The following SLC4A10 variants were observed in gnomAD, a reference collection of about 807,000 sequenced individuals.
SLC4A10 encodes the protein sodium-driven chloride bicarbonate exchanger.
A neutral mutation model predicts 137.7 loss-of-function variants in SLC4A10; 42 were observed. The observed-to-expected ratio is 0.30, with a 90% confidence interval of 0.24 to 0.39. SLC4A10 has a LOEUF of 0.39. Among genes scored for constraint, SLC4A10 ranks in the 10% least tolerant of loss-of-function variants. The pLI, the probability that SLC4A10 is intolerant of heterozygous loss-of-function variation, is 1.00. For missense variants in SLC4A10, 925 were observed against 1,355.0 expected (o/e 0.68, Z 4.98); for synonymous variants, 474 against 464.1 (o/e 1.02, Z -0.27).
At chr2:161,818,638 T>G (rs1355542949) in intron 3 of SLC4A10, among the ~76,000 whole-genome samples, 2 of 152,184 alleles carry the variant, frequency 1.3e-5, no homozygotes. Context: ...TCTTATTATT[T>G]TGAGATACAT....
intron 1 of SLC4A10, among the ~76,000 whole-genome samples, chr2:161,677,614 G>A (rs1339509622): frequency 6.6e-6 from 1 of 152,114 alleles, no homozygotes; most frequent in Non-Finnish European, 1.5e-5. Context: ...GTAAATTTTT[G>A]GACAAGTAGT....
chr2:161,806,495 GTCACT>G (rs2055974813), intron 3 of SLC4A10, among the ~76,000 whole-genome samples: 1 of 152,060 alleles, frequency 6.6e-6, no homozygotes, highest in African/African-American at 2.4e-5. Flanking sequence ...CAGCATCCAA[GTCACT>G]TCTTGAATGC....
chr2:161,662,748 T>C (rs1286938883), intron 1 of SLC4A10, among the ~76,000 whole-genome samples: 2 of 152,164 alleles, frequency 1.3e-5, no homozygotes. Context: ...TTTTGTTTTG[T>C]TGTGTTTTGT....
At chr2:161,708,613 A>G in intron 1 of SLC4A10, 4 of 1,365,216 alleles carry the variant, frequency 2.9e-6, no homozygotes, top group Non-Finnish European at 3.9e-6. Context: ...GATGATAAAT[A>G]GTATATGTGA....
At position 161,950,846 on chromosome 2, in the gene SLC4A10, A is replaced by C; in HGVS notation, c.2539A>C (p.Lys847Gln). The change falls in exon 19 of 27, where the codon AAG (lysine) becomes CAG (glutamine). Residue 847 changes from lysine to glutamine, a missense_variant and splice_region_variant. Around this residue, in one of 11 missense-constraint regions of SLC4A10, gnomAD observed 82 missense variants for 151.4 expected, o/e 0.54. Transcript: ENST00000446997. ...CATCAACAGGAAAGAGCATAAGCTA[A>C]AGGTATATTTTAACATCCATTTTAA... ...VIINRKEHKL[K>Q]KGCGYHLDLL... 1.3e-6 allele frequency: 2 copies of C among 1,591,058 alleles called. No individual in the cohort carries two copies. Among genetic ancestry groups the C allele is most frequent in the South Asian group, 2.3e-5 (2 of 87,052 alleles).
intron 1 of SLC4A10, among the ~76,000 whole-genome samples, chr2:161,741,124 GTGT>G (rs2047837606): frequency 6.6e-6 from 1 of 151,978 alleles, no homozygotes; most frequent in Admixed American, 6.6e-5. Flanking sequence ...AATTAGCAAA[GTGT>G]TGTAGTGGGC....
Position 161,863,005 on chromosome 2 carries a change from C to A in SLC4A10, c.709C>A (p.Arg237Ser). 6.2e-7 allele frequency: 1 copy of A among 1,613,886 alleles called. No individual in the cohort carries two copies. The highest frequency in any genetic ancestry group is 8.5e-7 in the Non-Finnish European group (1 of 1,179,858). The change falls in exon 6 of 27, where the codon CGT (arginine) becomes AGT (serine). Residue 237 changes from arginine (R) to serine (S), a missense_variant. Coordinates refer to ENST00000446997, the MANE Select transcript of SLC4A10 (RefSeq NM_001178015.2). ...KKLTNRIPIVRSFADIGKKQS... is the reference protein window; with the variant it reads ...KKLTNRIPIVSSFADIGKKQS... ...ACTCACCAACAGGATTCCCATTGTT[C>A]GTTCCTTTGCTGATATTGGCAAGAA...
intron 1 of SLC4A10, among the ~76,000 whole-genome samples, chr2:161,711,566 G>C (rs1189193534): frequency 2.0e-5 from 3 of 151,778 alleles, no homozygotes; most frequent in Admixed American, 1.3e-4. Flanking sequence ...GCTGAAAGTT[G>C]CAGGAAGGTG....
intron 12 of SLC4A10, among the ~76,000 whole-genome samples, chr2:161,902,421 T>C (rs996103476): frequency 6.6e-6 from 1 of 152,138 alleles, no homozygotes; most frequent in Non-Finnish European, 1.5e-5. Flanking sequence ...GTAAATCTGT[T>C]TTGAATTGTG....
chr2:161,926,105 C>G lies in SLC4A10; in HGVS notation c.1998-16687C>G, dbSNP rs982375201. Among the ~76,000 whole-genome samples the G allele has an allele frequency of 1.0e-3, 153 of 151,954 alleles. 5 individuals are homozygous for G. Among genetic ancestry groups the G allele is most frequent in the Non-Finnish European group, 2.6e-4 (18 of 67,994 alleles). On this transcript the variant is annotated intron_variant, in intron 15 of 26. Transcript: ENST00000446997. ...GAGCTGAGTTCAATTCCTGGGTATC[C>G]TTGTCAACTTTCTGTCTCGTTGATC... is the stretch of plus-strand genomic sequence containing the variant.
At chr2:161,641,681 A>G (rs1445941874) in intron 1 of SLC4A10, among the ~76,000 whole-genome samples, 1 of 152,072 alleles carries the variant, frequency 6.6e-6, no homozygotes, top group African/African-American at 2.4e-5. Flanking sequence ...TTCTGACATC[A>G]GTCCTCTTAG....
At chr2:161,972,651 T>C (rs1698759586) in intron 23 of SLC4A10, among the ~76,000 whole-genome samples, 1 of 152,186 alleles carries the variant, frequency 6.6e-6, no homozygotes, top group Non-Finnish European at 1.5e-5. Flanking sequence ...AAGGGTAATG[T>C]ACATGCCATT....
intron 6 of SLC4A10, among the ~76,000 whole-genome samples, chr2:161,867,349 T>C (rs1290342692): frequency 6.6e-6 from 1 of 151,972 alleles, no homozygotes; most frequent in Non-Finnish European, 1.5e-5. Context: ...ATATCCAGGA[T>C]TTAAAATTTA....
At chr2:161,627,789 G>A (rs2032731645) in intron 1 of SLC4A10, among the ~76,000 whole-genome samples, 2 of 152,088 alleles carry the variant, frequency 1.3e-5, no homozygotes, top group African/African-American at 4.8e-5. Flanking sequence ...TGCTATGTCT[G>A]AAGTTACAGA....
intron 1 of SLC4A10, among the ~76,000 whole-genome samples, chr2:161,688,004 C>G (rs1647931103): frequency 6.6e-6 from 1 of 152,204 alleles, no homozygotes; most frequent in Admixed American, 6.5e-5. Context: ...CATTAAGACA[C>G]ATGGCAGGCA....
chr2:161,702,496 A>G (rs2043230473), intron 1 of SLC4A10, among the ~76,000 whole-genome samples: 2 of 151,884 alleles, frequency 1.3e-5, no homozygotes, highest in African/African-American at 2.4e-5. Context: ...GTCTTTACAC[A>G]TGGTATTTTG....
intron 1 of SLC4A10, among the ~76,000 whole-genome samples, chr2:161,662,671 T>C (rs561506142): frequency 3.9e-4 from 59 of 152,314 alleles, no homozygotes; most frequent in African/African-American, 1.4e-3. Context: ...CAGCAGGATC[T>C]TTGAAAGTCA....
intron 1 of SLC4A10, among the ~76,000 whole-genome samples, chr2:161,649,600 T>A (rs2036521149): frequency 6.6e-6 from 1 of 152,122 alleles, no homozygotes; most frequent in South Asian, 2.1e-4. Context: ...AGGTTTATTT[T>A]ATTTTTAAAT....
chr2:161,800,491 A>G (rs953547701), intron 2 of SLC4A10, among the ~76,000 whole-genome samples: 2 of 152,020 alleles, frequency 1.3e-5, no homozygotes, highest in African/African-American at 4.8e-5. Context: ...GTATTTACAA[A>G]CTTTGGGGTT....
Sources: gnomAD v4.1 joint callset for allele counts (sites outside exome capture counted in the v4.1 genomes callset) on GRCh38, gnomAD v4.1.1 for gene constraint, gnomAD v4.1.1 regional missense constraint, MANE v1.5 for transcripts, NCBI Gene and HGNC (gene_info 2026-07-23, HGNC 2026-07-21) for gene names.